Variants in PHACTR2 observed in about 807,000 individuals in gnomAD.
The protein encoded by PHACTR2 is chromosome 6 open reading frame 56.
Under a neutral mutation model 76.0 loss-of-function variants are expected in PHACTR2, and 30 were observed. The observed-to-expected ratio is 0.39, with a 90% confidence interval of 0.30 to 0.54. PHACTR2 has a LOEUF of 0.54. PHACTR2 is among the 20% of genes least tolerant of loss of function. The pLI, the probability that PHACTR2 is intolerant of heterozygous loss-of-function variation, is 0.61. For synonymous variants in PHACTR2, 292 were observed against 292.5 expected (o/e 1.00, Z 0.02); for missense variants, 696 against 781.1 (o/e 0.89, Z 1.30).
chr6:143,614,836 T>C (rs1482691897), intron 1 of PHACTR2, among the ~76,000 whole-genome samples: 1 of 152,174 alleles, frequency 6.6e-6, no homozygotes, highest in East Asian at 1.9e-4. Flanking sequence ...GGAGTGGAAT[T>C]CAATGACATC....
At chr6:143,745,477 T>C (rs2128468998) in intron 2 of PHACTR2, among the ~76,000 whole-genome samples, 1 of 152,328 alleles carries the variant, frequency 6.6e-6, no homozygotes, top group East Asian at 1.9e-4. Context: ...TCAGGAATAT[T>C]CTGAGACAGC....
At position 143,653,520 on chromosome 6, in the gene PHACTR2, T is replaced by C. The variant is rs1265072038; in HGVS notation, c.13+45198T>C. On this transcript the variant is annotated intron_variant, in intron 1 of 11. Coordinates refer to the PHACTR2 transcript ENST00000305766. This position sits in a 1 kb window ranked among gnomAD's most constrained non-coding sequence, Gnocchi z 4.9. ...AAGTTTATTTTCGGAGAGTAGTTTA[T>C]ATATGGAATAAATGGAATAGAATTG... Among the ~76,000 whole-genome samples the C allele has an allele frequency of 1.3e-5, 2 of 152,110 alleles. No homozygotes were observed. The highest frequency in any genetic ancestry group is 6.6e-5 in the Admixed American group (1 of 15,258).
At chr6:143,769,558 C>T (rs1005012624) in intron 6 of PHACTR2, among the ~76,000 whole-genome samples, 1 of 152,074 alleles carries the variant, frequency 6.6e-6, no homozygotes. Flanking sequence ...CACTCATGGT[C>T]TTCTTTGATT....
intron 1 of PHACTR2, among the ~76,000 whole-genome samples, chr6:143,642,545 C>G (rs1235745858): frequency 1.3e-5 from 2 of 152,118 alleles, no homozygotes; most frequent in African/African-American, 4.8e-5. Flanking sequence ...TGTTGAAGTC[C>G]TAACCCGTAG....
At chr6:143,799,243 A>G (rs559860231) in intron 11 of PHACTR2, among the ~76,000 whole-genome samples, 1 of 152,092 alleles carries the variant, frequency 6.6e-6, no homozygotes, top group Admixed American at 6.5e-5. Context: ...CCCCTTTATC[A>G]TTTTTTATTG....
At chr6:143,572,858 T>C (rs1395972043) in intron 1 of PHACTR2, among the ~76,000 whole-genome samples, 1 of 152,198 alleles carries the variant, frequency 6.6e-6, no homozygotes, top group Non-Finnish European at 1.5e-5. Flanking sequence ...CAGCCAACAG[T>C]GGTTTATTTT....
chr6:143,748,247 G>A (rs1210513506), intron 2 of PHACTR2, among the ~76,000 whole-genome samples: 1 of 151,966 alleles, frequency 6.6e-6, no homozygotes, highest in Non-Finnish European at 1.5e-5. Flanking sequence ...TGTATTTTTC[G>A]GAGATGGGGT....
At position 143,677,995 on chromosome 6, in the gene PHACTR2, G is replaced by A. The variant is rs1291040653; in HGVS notation, c.-169G>A. 3 of 1,444,734 alleles carry A rather than the reference G, an allele frequency of 2.1e-6. No individual in the cohort carries two copies. The highest frequency in any genetic ancestry group is 2.7e-6 in the Non-Finnish European group (3 of 1,095,916). 89.5% of individuals were successfully genotyped at this position (1,444,734 alleles called of 1,614,324 possible). ...CTGGGCAGGATCCGCCGCGCCGGCT[G>A]CGGCCGGCCGGGCTGGGAGACCCGC... On this transcript the variant is annotated 5_prime_UTR_variant, in exon 1 of 13. Transcript: ENST00000440869.
chr6:143,720,990 A>G (rs1001802499), intron 2 of PHACTR2, among the ~76,000 whole-genome samples: 6 of 152,188 alleles, frequency 3.9e-5, no homozygotes, highest in Admixed American at 1.3e-4. Context: ...CAATTTTACC[A>G]GAAGAGGAGC....
rs1207440190 is a variant in PHACTR2 at position 143,589,396 on chromosome 6, G to A, written c.217+52189G>A. On this transcript the variant is annotated intron_variant, in intron 1 of 11. Transcript: ENST00000367584. The surrounding 1 kb of genome is among the most constrained non-coding windows in gnomAD (Gnocchi z 4.4). Reference sequence around the variant, plus strand: ...TCCTCCTGCTCCAGCCATGTAAGACGTGCCTGCTTCCTCTTTGCCTTTTGC... The same window carrying A: ...TCCTCCTGCTCCAGCCATGTAAGACATGCCTGCTTCCTCTTTGCCTTTTGC... 2.0e-5 allele frequency among the ~76,000 whole-genome samples: 3 copies of A among 152,164 alleles called. No homozygotes were observed. The highest frequency in any genetic ancestry group is 4.8e-5 in the African/African-American group (2 of 41,434).
At chr6:143,685,827 T>G (rs933659188) in intron 1 of PHACTR2, among the ~76,000 whole-genome samples, 3 of 152,046 alleles carry the variant, frequency 2.0e-5, no homozygotes, top group African/African-American at 7.3e-5. Context: ...GCAATATATA[T>G]TAAGTCATAA....
chr6:143,564,181 G>GTGTATATATATA (rs1554287823), intron 1 of PHACTR2, among the ~76,000 whole-genome samples: 1 of 56,268 alleles, frequency 1.8e-5, no homozygotes, highest in Non-Finnish European at 3.7e-5. Context: ...ATGTGTGTGT[G>GTGTATATATATA]TATGTGTGTG....
At chr6:143,555,630 T>G (rs1361861700) in intron 1 of PHACTR2, among the ~76,000 whole-genome samples, 1 of 152,228 alleles carries the variant, frequency 6.6e-6, no homozygotes, top group African/African-American at 2.4e-5. Flanking sequence ...TGCTCCAGTT[T>G]GCCTTCCTAA....
rs549434508 is a variant in PHACTR2 at position 143,599,217 on chromosome 6, A to G, written c.217+62010A>G. ...CATTCTCTCAATTAATCTAAAGCCTATGTGTTAATACTCTTTAAAAAAATA... is the reference window on the plus strand; with the variant it reads ...CATTCTCTCAATTAATCTAAAGCCTGTGTGTTAATACTCTTTAAAAAAATA... On this transcript the variant is annotated intron_variant, in intron 1 of 11. Transcript: ENST00000367584. The surrounding 1 kb of genome is among the most constrained non-coding windows in gnomAD (Gnocchi z 4.6). Among the ~76,000 whole-genome samples, 3 of 152,358 alleles carry G rather than the reference A, an allele frequency of 2.0e-5. No individual in the cohort carries two copies. The highest frequency in any genetic ancestry group is 4.1e-4 in the South Asian group (2 of 4,830).
rs543013693 is a variant in PHACTR2 at position 143,648,035 on chromosome 6, GAT to G, written c.13+39714_13+39715del. On this transcript the variant is annotated intron_variant, in intron 1 of 11. Transcript: ENST00000305766. The surrounding 1 kb of genome is among the most constrained non-coding windows in gnomAD (Gnocchi z 6.7). ...TAGGATCCTGCCGTGACCCGAGAGA[GAT>G]GTATGGCTGCGACAGAGCCACAACA... Among the ~76,000 whole-genome samples, 20 of 152,322 alleles carry G rather than the reference GAT, an allele frequency of 1.3e-4. 1 individual carries two copies. In the East Asian group the frequency reaches 3.9e-3, roughly 29 times the overall value.
chr6:143,567,886 C>T (rs1775385323), intron 1 of PHACTR2, among the ~76,000 whole-genome samples: 1 of 152,170 alleles, frequency 6.6e-6, no homozygotes, highest in Admixed American at 6.5e-5. Flanking sequence ...GTTTTAAAAA[C>T]AGAAGCAATT....
At chr6:143,665,858 C>A (rs556965888) in intron 1 of PHACTR2, among the ~76,000 whole-genome samples, 6 of 152,196 alleles carry the variant, frequency 3.9e-5, no homozygotes, top group African/African-American at 1.2e-4. Flanking sequence ...GTAGTAAAAG[C>A]TAAAGTATTT....
rs372847326 is a variant in PHACTR2 at position 143,765,246 on chromosome 6, G to T, written c.695-15G>T. On this transcript the variant is annotated splice_polypyrimidine_tract_variant and intron_variant, in intron 5 of 12. Transcript: ENST00000440869. This position sits in a 1 kb window ranked among gnomAD's most constrained non-coding sequence, Gnocchi z 4.1. ...GTATTCTTTGATTTTTTAATGCAAG[G>T]TCTCTCTATTGTAGCTGGCTCCTCT... 21 of 1,583,052 alleles carry T rather than the reference G, an allele frequency of 1.3e-5. No homozygotes were observed. The Admixed American group carries it at 1.5e-4, about 11-fold the overall frequency.
rs1232014449 is a variant in PHACTR2 at position 143,788,882 on chromosome 6, C to G, written c.1817C>G (p.Pro606Arg). Reference protein sequence around the residue: ...SPDYDRRADKPWARLTPADKA... With the variant: ...SPDYDRRADKRWARLTPADKA... Reference sequence around the variant, plus strand: ...GACTATGACCGCCGAGCAGACAAGCCCTGGGCCAGGTTAACACCTGCAGAC... The same window carrying G: ...GACTATGACCGCCGAGCAGACAAGCGCTGGGCCAGGTTAACACCTGCAGAC... The change falls in exon 11 of 13, where the codon CCC becomes CGC. Residue 606 changes from proline (P) to arginine (R), a missense_variant. Transcript: ENST00000440869. 1 of 1,612,782 alleles carries G rather than the reference C, an allele frequency of 6.2e-7. No individual in the cohort carries two copies. The highest frequency in any genetic ancestry group is 2.2e-5 in the East Asian group (1 of 44,868).
Sources: allele counts gnomAD v4.1 joint callset (sites outside exome capture counted in the v4.1 genomes callset), GRCh38; gene constraint gnomAD v4.1.1; non-coding constraint Gnocchi (gnomAD v3.1); transcripts MANE v1.5; gene names NCBI Gene and HGNC (gene_info 2026-07-23, HGNC 2026-07-21).